RADIL: variants seen among roughly 807,000 people sequenced by gnomAD.
The protein encoded by RADIL is ras-associating and dilute domain-containing protein.
RADIL carries 99 observed loss-of-function variants against 97.6 expected under a neutral mutation model. That is an observed-to-expected ratio of 1.01 (90% CI 0.86 to 1.20). The LOEUF (loss-of-function observed/expected upper bound fraction) is 1.20. Among genes scored for constraint, RADIL ranks in the 50% most tolerant of loss-of-function variants. RADIL has a pLI of 0.00. For missense variants in RADIL, 1,765 were observed against 1,498.9 expected (o/e 1.18, Z -2.93); for synonymous variants, 803 against 691.8 (o/e 1.16, Z -2.52).
rs1784402373 is a variant in RADIL, at chr7:4,877,621, C to T, written c.519G>A (p.Val173=). 7.5e-6 allele frequency: 12 copies of T among 1,602,714 alleles called. No individual in the cohort carries two copies. The highest frequency in any genetic ancestry group is 1.0e-5 in the Non-Finnish European group (12 of 1,174,900). The change falls in exon 2 of 15, where the codon GTG becomes GTA. Residue 173 remains valine, a synonymous_variant. Transcript: ENST00000399583. ...CCCCCTCACCTGCCGTGATGGTGTC[C>T]ACCTCCTTGGCTGCCAGCTCCTCCA... The part of the protein sequence containing the change: ...SDVEELAAKE[V]DTITAGINAQ...
rs76654676 is a variant in RADIL at position 4,799,187 on chromosome 7, T to C, written c.*191A>G. ...AAAAGCTCTGTAACAAACATCACAA[T>C]TTCACGTCATCTGCCATATAAATAG... On this transcript the variant is annotated 3_prime_UTR_variant, in exon 15 of 15. Transcript: ENST00000399583. 0.047 allele frequency: 27,721 copies of C among 591,324 alleles called. 1,639 individuals carry two copies. Among genetic ancestry groups the C allele is most frequent in the African/African-American group, 0.22 (11,832 of 53,698 alleles). The allele number at this position is 591,324 out of a possible 1,614,324, so 36.6% of individuals were successfully genotyped here.
At position 4,837,823 on chromosome 7, in the gene RADIL, G is replaced by T. The variant is rs543357163; in HGVS notation, c.536-1218C>A. The T allele has an allele frequency of 1.0e-6, 1 of 985,076 alleles. No individual in the cohort carries two copies. The highest frequency in any genetic ancestry group is 1.2e-6 in the Non-Finnish European group (1 of 829,762). The allele number at this position is 985,076 out of a possible 1,614,324, so 61.0% of individuals were successfully genotyped here. On this transcript the variant is annotated intron_variant, in intron 2 of 14. Coordinates refer to ENST00000399583, the MANE Select transcript of RADIL (RefSeq NM_018059.5). This position sits in a 1 kb window ranked among gnomAD's most constrained non-coding sequence, Gnocchi z 5.6. ...CAGCCGGCTGCGATAGATGAAAACC[G>T]CTCACCAGTCCCCAGCTGACCCGGC...
intron 14 of RADIL, 25 bp from the exon 15 acceptor site, chr7:4,799,508 G>T (rs752746688): frequency 6.2e-7 from 1 of 1,613,630 alleles, no homozygotes; most frequent in East Asian, 2.2e-5. Context: ...AGAGGTGGGG[G>T]TGGGCAGGAG....
intron 5 of RADIL, among the ~76,000 whole-genome samples, chr7:4,830,918 G>A (rs1267541865): frequency 6.6e-6 from 1 of 152,098 alleles, no homozygotes; most frequent in Non-Finnish European, 1.5e-5. Flanking sequence ...CTACTCGGGA[G>A]GCTGAGACAG....
intron 2 of RADIL, among the ~76,000 whole-genome samples, chr7:4,871,591 G>T (rs868503234): frequency 1.3e-5 from 2 of 152,200 alleles, no homozygotes; most frequent in African/African-American, 4.8e-5. Flanking sequence ...AGCCCACCAC[G>T]CCGCCAGGTG....
intron 2 of RADIL, among the ~76,000 whole-genome samples, chr7:4,838,478 G>A (rs1783359689): frequency 6.6e-6 from 1 of 152,154 alleles, no homozygotes; most frequent in South Asian, 2.1e-4. Context: ...ATGCGGCACG[G>A]GATGTCCCAG....
At position 4,834,638 on chromosome 7, in the gene RADIL, T is replaced by C. The variant is rs1435977087; in HGVS notation, c.1385A>G (p.Lys462Arg). 1.5e-5 allele frequency: 20 copies of C among 1,352,794 alleles called. No individual in the cohort carries two copies. Among genetic ancestry groups the C allele is most frequent in the Non-Finnish European group, 1.8e-5 (19 of 1,045,120 alleles). The allele number at this position is 1,352,794 out of a possible 1,614,324, so 83.8% of individuals were successfully genotyped here. Reference sequence around the variant, plus strand: ...AGTCTCGCGGATCAGCCTGGCTATCTTGAGCAGGAGCTGCCCGAATGTGCC... The same window carrying C: ...AGTCTCGCGGATCAGCCTGGCTATCCTGAGCAGGAGCTGCCCGAATGTGCC... ...QPGTFGQLLL[K>R]IARLIRETVW... Residue 462 changes from lysine (K) to arginine (R), a missense_variant, in exon 4 of 15, where the codon AAG becomes AGG. Lys to Arg is a conservative substitution (Grantham distance 26). Coordinates refer to ENST00000399583, the MANE Select transcript of RADIL (RefSeq NM_018059.5). This position sits in a 1 kb window ranked among gnomAD's most constrained non-coding sequence, Gnocchi z 6.0.
At position 4,799,324 on chromosome 7, in the gene RADIL, G is replaced by A. The variant is rs1166027747; in HGVS notation, c.*54C>T. On this transcript the variant is annotated 3_prime_UTR_variant, in exon 15 of 15. Coordinates refer to ENST00000399583, the MANE Select transcript of RADIL (RefSeq NM_018059.5). ...AGGGACGAAGGCGGGAGGAAGCCCA[G>A]TGTCACCAGGTGGGACCGGGTGCCG... 12 of 1,560,132 alleles carry A rather than the reference G, an allele frequency of 7.7e-6. No homozygotes were observed. The highest frequency in any genetic ancestry group is 1.1e-5 in the Non-Finnish European group (12 of 1,133,338).
intron 2 of RADIL, among the ~76,000 whole-genome samples, chr7:4,871,426 G>A (rs978900449): frequency 3.9e-5 from 6 of 152,218 alleles, no homozygotes; most frequent in Non-Finnish European, 7.3e-5. Flanking sequence ...CCTGCGGCCC[G>A]CACACCCCTG....
chr7:4,831,940 C>A (rs1783154134), intron 5 of RADIL, among the ~76,000 whole-genome samples: 2 of 152,094 alleles, frequency 1.3e-5, no homozygotes. Flanking sequence ...CTTAAGGGTG[C>A]CCTGAAGCAA....
chr7:4,883,216 G>C lies in RADIL; in HGVS notation c.-65+380C>G, dbSNP rs563638266. 1.3e-4 allele frequency among the ~76,000 whole-genome samples: 19 copies of C among 144,056 alleles called. No individual in the cohort carries two copies. In the South Asian group the frequency reaches 3.7e-3, roughly 28 times the overall value. 94.5% of individuals were successfully genotyped at this position (144,056 alleles called of 152,430 possible). ...TCCCCCGCTGCGCGCCCCGGACGAA[G>C]CTCCCCCTCCAGGGCACAGCCGGGA... On this transcript the variant is annotated intron_variant, in intron 1 of 14. Coordinates refer to ENST00000399583, the MANE Select transcript of RADIL (RefSeq NM_018059.5). This position sits in a 1 kb window ranked among gnomAD's most constrained non-coding sequence, Gnocchi z 7.1.
At chr7:4,802,515 T>TGGGG (rs1256875856) in intron 11 of RADIL, among the ~76,000 whole-genome samples, 1 of 127,694 alleles carries the variant, frequency 7.8e-6, no homozygotes, top group African/African-American at 3.3e-5. Flanking sequence ...GCATGCTGGA[T>TGGGG]GGACCCCCTC....
chr7:4,827,911 C>G (rs1343533724), intron 5 of RADIL, among the ~76,000 whole-genome samples: 1 of 146,968 alleles, frequency 6.8e-6, no homozygotes, highest in Non-Finnish European at 1.5e-5. Context: ...AACAAACAAA[C>G]AAACAAAAAA....
intron 5 of RADIL, among the ~76,000 whole-genome samples, chr7:4,827,915 C>G (rs7800021): frequency 6.7e-6 from 1 of 148,200 alleles, no homozygotes; most frequent in Non-Finnish European, 1.5e-5. Context: ...AACAAACAAA[C>G]AAAAAAAAAC....
chr7:4,843,772 CATG>C (rs1289150994), intron 2 of RADIL, among the ~76,000 whole-genome samples: 1 of 151,982 alleles, frequency 6.6e-6, no homozygotes, highest in Non-Finnish European at 1.5e-5. Flanking sequence ...ATTAGCCAGG[CATG>C]GTGGTGGGTA....
intron 10 of RADIL, among the ~76,000 whole-genome samples, chr7:4,804,968 C>G (rs967357036): frequency 1.3e-5 from 2 of 151,872 alleles, no homozygotes; most frequent in African/African-American, 4.8e-5. Context: ...GTGGCGGACA[C>G]CTGTAATCCC....
intron 2 of RADIL, among the ~76,000 whole-genome samples, chr7:4,868,977 A>C (rs1784192593): frequency 6.6e-6 from 1 of 152,184 alleles, no homozygotes; most frequent in African/African-American, 2.4e-5. Context: ...AAATACAAAA[A>C]TTAGCCGGGC....
rs948020994 is a variant in RADIL, at chr7:4,878,875, C to T, written c.-64-672G>A. ...GCCCAAGGGCAAAGCTTCGCCTCTC[C>T]GTAAACCTCGTGTCTCCTACCCCAC... On this transcript the variant is annotated intron_variant, in intron 1 of 14. Transcript: ENST00000399583. The surrounding 1 kb of genome is among the most constrained non-coding windows in gnomAD (Gnocchi z 4.1). Among the ~76,000 whole-genome samples the T allele has an allele frequency of 4.6e-5, 7 of 152,224 alleles. No homozygotes were observed. Among genetic ancestry groups the T allele is most frequent in the African/African-American group, 9.6e-5 (4 of 41,464 alleles).
At position 4,814,341 on chromosome 7, in the gene RADIL, C is replaced by T. The variant is rs181884771; in HGVS notation, c.2139+937G>A. Among the ~76,000 whole-genome samples, 4 of 152,110 alleles carry T rather than the reference C, an allele frequency of 2.6e-5. No homozygotes were observed. The highest frequency in any genetic ancestry group is 1.3e-4 in the Admixed American group (2 of 15,262). ...GCTTCACTTTTTTTTTCTTTTGAGA[C>T]AGGGCCTCACTTTGTCGCTCAAGGT... On this transcript the variant is annotated intron_variant, in intron 9 of 14. Coordinates refer to ENST00000399583, the MANE Select transcript of RADIL (RefSeq NM_018059.5). This position sits in a 1 kb window ranked among gnomAD's most constrained non-coding sequence, Gnocchi z 4.5.
Sources: gnomAD v4.1 joint callset for allele counts (sites outside exome capture counted in the v4.1 genomes callset) on GRCh38, gnomAD v4.1.1 for gene constraint, Gnocchi (gnomAD v3.1) non-coding constraint, MANE v1.5 for transcripts, NCBI Gene and HGNC (gene_info 2026-07-23, HGNC 2026-07-21) for gene names.